SLC9A9: variants seen among roughly 807,000 people sequenced by gnomAD.
The protein encoded by SLC9A9 is sodium/hydrogen exchanger 9.
Under a neutral mutation model 77.8 loss-of-function variants are expected in SLC9A9, and 62 were observed. The ratio of observed to expected loss-of-function variants is 0.80; its 90% CI spans 0.65 to 0.98. SLC9A9 has a LOEUF of 0.98. Ranked by LOEUF, SLC9A9 falls within the 50% of genes least tolerant of loss-of-function variation. SLC9A9 has a pLI of 0.00. For synonymous variants in SLC9A9, 320 were observed against 283.5 expected (o/e 1.13, Z -1.29); for missense variants, 775 against 774.9 (o/e 1.00, Z 0.00).
In SLC9A9 at chr3:143,682,758, A is replaced by T. The variant is rs75456045; in HGVS notation, c.649+10434T>A. Among the ~76,000 whole-genome samples, 633 of 152,202 alleles carry T rather than the reference A, an allele frequency of 4.2e-3. 6 individuals carry two copies. The highest frequency in any genetic ancestry group is 0.014 in the African/African-American group (600 of 41,556). On this transcript the variant is annotated intron_variant, in intron 5 of 15. Coordinates refer to ENST00000316549, the MANE Select transcript of SLC9A9 (RefSeq NM_173653.4). ...AGGCCACCAAAATTTCTGGGCTCTTAGCCCCCTTCCTCCATCTTCAAAGTC... is the reference window on the plus strand; with the variant it reads ...AGGCCACCAAAATTTCTGGGCTCTTTGCCCCCTTCCTCCATCTTCAAAGTC...
At chr3:143,467,669 C>T (rs895189982) in intron 11 of SLC9A9, among the ~76,000 whole-genome samples, 1 of 151,228 alleles carries the variant, frequency 6.6e-6, no homozygotes, top group Admixed American at 6.6e-5. Context: ...GAGTTCAAGG[C>T]TGCAATGAGC....
chr3:143,474,461 G>A (rs2035433004), intron 11 of SLC9A9, among the ~76,000 whole-genome samples: 1 of 152,080 alleles, frequency 6.6e-6, no homozygotes, highest in African/African-American at 2.4e-5. Flanking sequence ...GGCGAGAAGT[G>A]AATGCAGATC....
At chr3:143,384,764 G>C (rs1432285121) in intron 12 of SLC9A9, among the ~76,000 whole-genome samples, 1 of 152,196 alleles carries the variant, frequency 6.6e-6, no homozygotes, top group Non-Finnish European at 1.5e-5. Context: ...GCCACAAGTG[G>C]CTTGAGGAAA....
intron 6 of SLC9A9, among the ~76,000 whole-genome samples, chr3:143,617,711 G>A (rs532918047): frequency 1.2e-4 from 19 of 152,260 alleles, no homozygotes; most frequent in East Asian, 3.9e-4. Flanking sequence ...CCATTTTCCC[G>A]TTGTCCTTCC....
rs944189211 is a variant in SLC9A9, at chr3:143,712,670, T to C, written c.534-19363A>G. Among the ~76,000 whole-genome samples, 10 of 151,232 alleles carry C rather than the reference T, an allele frequency of 6.6e-5. 1 individual carries two copies. Among genetic ancestry groups the C allele is most frequent in the Admixed American group, 5.2e-4 (8 of 15,252 alleles). The stretch of plus-strand genomic sequence containing the variant: ...CTGAATGACTCAATGGATTCTTTAG[T>C]TCTTCCAGCTATTACTTTCTTTGGG... On this transcript the variant is annotated intron_variant, in intron 4 of 15. Transcript: ENST00000316549.
intron 14 of SLC9A9, among the ~76,000 whole-genome samples, chr3:143,310,042 G>C (rs996972952): frequency 2.6e-5 from 4 of 152,204 alleles, no homozygotes; most frequent in Non-Finnish European, 5.9e-5. Context: ...CTCAGGACCA[G>C]CCAAAACATG....
chr3:143,784,247 G>GA (rs2007973840), intron 4 of SLC9A9, among the ~76,000 whole-genome samples: 1 of 152,194 alleles, frequency 6.6e-6, no homozygotes, highest in African/African-American at 2.4e-5. Flanking sequence ...AAAACTTAGT[G>GA]AGTCATCCTA....
intron 4 of SLC9A9, among the ~76,000 whole-genome samples, chr3:143,722,421 C>A (rs936277618): frequency 1.6e-5 from 2 of 127,042 alleles, no homozygotes; most frequent in Non-Finnish European, 3.1e-5. Context: ...TGCAGTGAGC[C>A]GAGATCAGGC....
At chr3:143,390,951 G>C (rs1012973489) in intron 12 of SLC9A9, among the ~76,000 whole-genome samples, 1 of 152,214 alleles carries the variant, frequency 6.6e-6, no homozygotes, top group Admixed American at 6.5e-5. Flanking sequence ...AAAGCGGCTG[G>C]GAAGCTTGAA....
intron 12 of SLC9A9, among the ~76,000 whole-genome samples, chr3:143,424,562 C>T (rs1167779316): frequency 6.6e-6 from 1 of 152,144 alleles, no homozygotes; most frequent in Non-Finnish European, 1.5e-5. Context: ...AATCCCCTGA[C>T]CTCATGATCC....
chr3:143,308,624 A>G (rs2030902676), intron 14 of SLC9A9, among the ~76,000 whole-genome samples: 2 of 152,112 alleles, frequency 1.3e-5, no homozygotes, highest in African/African-American at 4.8e-5. Flanking sequence ...AGAGCATTAA[A>G]CTAAGCATGG....
At position 143,316,593 on chromosome 3, in the gene SLC9A9, C is replaced by T. The variant is rs185204179; in HGVS notation, c.1604+46891G>A. Reference sequence around the variant, plus strand: ...GGTTGGCACTGACAATGATGTATCACAATGATGTTAAGAAGATACCTTCTT... The same window carrying T: ...GGTTGGCACTGACAATGATGTATCATAATGATGTTAAGAAGATACCTTCTT... On this transcript the variant is annotated intron_variant, in intron 14 of 15. Coordinates refer to ENST00000316549, the MANE Select transcript of SLC9A9 (RefSeq NM_173653.4). Among the ~76,000 whole-genome samples the T allele has an allele frequency of 2.3e-3, 352 of 152,208 alleles. 2 individuals carry two copies. The highest frequency in any genetic ancestry group is 4.0e-3 in the Non-Finnish European group (272 of 68,016).
At chr3:143,793,542 G>A (rs73869161) in intron 4 of SLC9A9, among the ~76,000 whole-genome samples, 3,308 of 152,278 alleles carry the variant, frequency 0.022, 124 homozygotes, top group African/African-American at 0.075. Context: ...AACATTTGTT[G>A]TGAGTCCACA....
chr3:143,366,798 C>T (rs150812085), intron 13 of SLC9A9, among the ~76,000 whole-genome samples: 79 of 152,266 alleles, frequency 5.2e-4, no homozygotes, highest in African/African-American at 1.9e-3. Context: ...GGCCCCTAAG[C>T]AGGCAAGATT....
chr3:143,766,959 T>G (rs772800567), intron 4 of SLC9A9, among the ~76,000 whole-genome samples: 5 of 152,196 alleles, frequency 3.3e-5, no homozygotes, highest in Non-Finnish European at 7.3e-5. Flanking sequence ...GCAAATTTAT[T>G]CTTAAAAAGT....
At chr3:143,451,904 T>C (rs992368729) in intron 12 of SLC9A9, among the ~76,000 whole-genome samples, 2 of 152,112 alleles carry the variant, frequency 1.3e-5, no homozygotes, top group Non-Finnish European at 2.9e-5. Flanking sequence ...ATTAATAATA[T>C]AGAAATGTAA....
At chr3:143,814,160 G>C (rs1485331868) in intron 2 of SLC9A9, among the ~76,000 whole-genome samples, 1 of 152,178 alleles carries the variant, frequency 6.6e-6, no homozygotes, top group Non-Finnish European at 1.5e-5. Flanking sequence ...GTGACTGAGA[G>C]AATATGGCTG....
chr3:143,446,091 A>T (rs2034836124), intron 12 of SLC9A9, among the ~76,000 whole-genome samples: 1 of 152,174 alleles, frequency 6.6e-6, no homozygotes, highest in African/African-American at 2.4e-5. Flanking sequence ...TATTTTAAAA[A>T]ATAAAAGTAA....
chr3:143,822,019 A>G (rs557417354), intron 2 of SLC9A9, among the ~76,000 whole-genome samples: 1 of 152,306 alleles, frequency 6.6e-6, no homozygotes, highest in African/African-American at 2.4e-5. Context: ...AAGACTGCAG[A>G]GAAGCACCTC....
Sources: gnomAD v4.1 joint callset for allele counts (sites outside exome capture counted in the v4.1 genomes callset) on GRCh38, gnomAD v4.1.1 for gene constraint, MANE v1.5 for transcripts, NCBI Gene and HGNC (gene_info 2026-07-23, HGNC 2026-07-21) for gene names.